ASAP1: variants seen among roughly 807,000 people sequenced by gnomAD.
ASAP1 encodes the protein arf-GAP with SH3 domain, ANK repeat and PH domain-containing protein 1.
ASAP1 carries 43 observed loss-of-function variants against 145.2 expected under a neutral mutation model. That is an observed-to-expected ratio of 0.30 (90% CI 0.23 to 0.38). ASAP1 has a LOEUF of 0.38. Ranked by LOEUF, ASAP1 falls within the 10% of genes least tolerant of loss-of-function variation. ASAP1 has a pLI of 1.00. For missense variants in ASAP1, 1,018 were observed against 1,355.3 expected (o/e 0.75, Z 3.91); for synonymous variants, 546 against 515.5 (o/e 1.06, Z -0.80).
intron 3 of ASAP1, among the ~76,000 whole-genome samples, chr8:130,246,085 C>A (rs906826985): frequency 6.6e-6 from 1 of 152,054 alleles, no homozygotes; most frequent in South Asian, 2.1e-4. Flanking sequence ...CAATTAATCA[C>A]TGCGAGTTGT....
intron 4 of ASAP1, among the ~76,000 whole-genome samples, chr8:130,226,041 G>A (rs973656532): frequency 1.5e-5 from 2 of 134,424 alleles, no homozygotes; most frequent in Non-Finnish European, 3.3e-5. Context: ...TACCATGCTT[G>A]GCTTTTTTTT....
At chr8:130,081,701 AT>A (rs1214453712) in intron 25 of ASAP1, among the ~76,000 whole-genome samples, 1 of 152,184 alleles carries the variant, frequency 6.6e-6, no homozygotes, top group East Asian at 1.9e-4. Context: ...TGAGACTGGC[AT>A]CATAAGATAA....
rs1401754290 is a variant in ASAP1 at position 130,358,792 on chromosome 8, C to G, written c.60-649G>C. Among the ~76,000 whole-genome samples the G allele has an allele frequency of 6.7e-6, 1 of 149,110 alleles. No homozygotes were observed. Among genetic ancestry groups the G allele is most frequent in the Admixed American group, 6.7e-5 (1 of 15,020 alleles). On this transcript the variant is annotated intron_variant, in intron 2 of 29. Transcript: ENST00000518721. The surrounding 1 kb of genome is among the most constrained non-coding windows in gnomAD (Gnocchi z 4.1). ...GCGCACAGCCCCTGGGGCCTGGCTC[C>G]GAAGCTGCCGCTCCCGACCCCGGCT...
intron 1 of ASAP1, among the ~76,000 whole-genome samples, chr8:130,403,556 T>TTTTC (rs1554905690): frequency 5.8e-5 from 8 of 138,540 alleles, no homozygotes; most frequent in African/African-American, 2.2e-4. Context: ...TTCTTTTTCT[T>TTTTC]TTTTTTTTTT....
Position 130,092,134 on chromosome 8 carries a change from C to T in ASAP1, c.2411G>A (p.Gly804Asp). The stretch of plus-strand genomic sequence containing the variant: ...GCTTAGAGGGAGTGTTGAAGGTGGG[C>T]CAGTTGGACCTAGAAAGGAAATTGA... ...PPRNAGKGPT[G>D]PPSTLPLSTQ... Residue 804 changes from glycine (G) to aspartate (D), a missense_variant, in exon 25 of 30, where the codon GGC (glycine) becomes GAC (aspartate). Transcript: ENST00000518721. 6.4e-7 allele frequency: 1 copy of T among 1,562,958 alleles called. No individual in the cohort carries two copies. Among genetic ancestry groups the T allele is most frequent in the Non-Finnish European group, 8.6e-7 (1 of 1,161,520 alleles).
At chr8:130,433,502 T>C (rs1830207492) in intron 1 of ASAP1, among the ~76,000 whole-genome samples, 1 of 152,222 alleles carries the variant, frequency 6.6e-6, no homozygotes, top group African/African-American at 2.4e-5. Flanking sequence ...AACTCTCCCA[T>C]GCTGTTGAGT....
chr8:130,100,026 C>T (rs140553461), intron 24 of ASAP1, among the ~76,000 whole-genome samples: 3 of 152,106 alleles, frequency 2.0e-5, no homozygotes, highest in African/African-American at 7.2e-5. Flanking sequence ...TGGATAAATA[C>T]CCAGTAGTAG....
intron 12 of ASAP1, among the ~76,000 whole-genome samples, chr8:130,158,658 G>A (rs1038491597): frequency 2.0e-5 from 3 of 152,156 alleles, no homozygotes; most frequent in African/African-American, 7.2e-5. Flanking sequence ...AGATGAGGTG[G>A]GACAGGAAGG....
At chr8:130,160,762 T>C in intron 11 of ASAP1, 1 of 1,269,320 alleles carries the variant, frequency 7.9e-7, no homozygotes, top group Non-Finnish European at 1.0e-6. Context: ...GACAATATAT[T>C]CTCATAAAAA....
intron 27 of ASAP1, among the ~76,000 whole-genome samples, chr8:130,070,976 G>GTAGA (rs2097444189): frequency 7.7e-5 from 2 of 26,066 alleles, no homozygotes; most frequent in South Asian, 2.7e-3. Flanking sequence ...AGAGAGAGGG[G>GTAGA]GAGGGGGGGA....
chr8:130,186,706 C>T (rs1302749843), intron 7 of ASAP1, among the ~76,000 whole-genome samples: 1 of 152,182 alleles, frequency 6.6e-6, no homozygotes. Context: ...AACTAGCTTT[C>T]TAGCCTTTCA....
chr8:130,163,458 A>C (rs1236305840), intron 11 of ASAP1, among the ~76,000 whole-genome samples: 2 of 152,236 alleles, frequency 1.3e-5, no homozygotes, highest in Non-Finnish European at 2.9e-5. Context: ...AAAGTGGCTA[A>C]ACTCCAGGGT....
intron 3 of ASAP1, among the ~76,000 whole-genome samples, chr8:130,313,226 A>G (rs554848323): frequency 4.8e-4 from 73 of 152,312 alleles, no homozygotes; most frequent in African/African-American, 1.5e-3. Context: ...AAGCCTGCAG[A>G]TAATTTCTAA....
intron 3 of ASAP1, among the ~76,000 whole-genome samples, chr8:130,254,217 T>G (rs1042549003): frequency 1.3e-5 from 2 of 152,236 alleles, no homozygotes; most frequent in Non-Finnish European, 2.9e-5. Flanking sequence ...TAAAGGCCAC[T>G]GCCAAGGATT....
At chr8:130,127,229 T>G (rs964756790) in intron 16 of ASAP1, among the ~76,000 whole-genome samples, 3 of 150,924 alleles carry the variant, frequency 2.0e-5, no homozygotes, top group African/African-American at 7.4e-5. Context: ...TTCTTTTTTC[T>G]TTTTTTTGAG....
intron 27 of ASAP1, among the ~76,000 whole-genome samples, chr8:130,072,816 T>TGCGC (rs1183010763): frequency 4.1e-4 from 12 of 28,964 alleles, no homozygotes; most frequent in East Asian, 1.3e-3. Context: ...TGTGTGTGTG[T>TGCGC]GTGTGTGTGC....
intron 2 of ASAP1, among the ~76,000 whole-genome samples, chr8:130,374,218 G>C (rs1375757948): frequency 6.6e-6 from 1 of 152,184 alleles, no homozygotes; most frequent in Non-Finnish European, 1.5e-5. Flanking sequence ...TTCAGAGGCT[G>C]TTATAAACAT....
At chr8:130,118,772 T>A in intron 18 of ASAP1, 97 bp from the exon 19 acceptor site, 2 of 860,620 alleles carry the variant, frequency 2.3e-6, no homozygotes, top group Non-Finnish European at 3.3e-6. Context: ...TTATTTTAAT[T>A]AAGATACGCT....
At chr8:130,121,714 G>A (rs1232631188) in intron 18 of ASAP1, among the ~76,000 whole-genome samples, 1 of 146,844 alleles carries the variant, frequency 6.8e-6, no homozygotes, top group African/African-American at 2.5e-5. Context: ...AACCCGGGAG[G>A]TGGAGGTTGC....
Sources: gnomAD v4.1 joint callset for allele counts (sites outside exome capture counted in the v4.1 genomes callset) on GRCh38, gnomAD v4.1.1 for gene constraint, Gnocchi (gnomAD v3.1) non-coding constraint, MANE v1.5 for transcripts, NCBI Gene and HGNC (gene_info 2026-07-23, HGNC 2026-07-21) for gene names.